The following REN variants were observed in gnomAD, a reference collection of about 807,000 sequenced individuals.
The protein encoded by REN is renin, also known as angiotensin-forming enzyme.
In REN, 42 loss-of-function variants were observed where a neutral mutation model predicts 48.6. That is an observed-to-expected ratio of 0.86 (90% confidence interval 0.68 to 1.12). REN has a LOEUF of 1.12. Ranked by LOEUF, REN falls within the 50% of genes most tolerant of loss-of-function variation. REN has a pLI of 0.00. For missense variants in REN, 443 were observed against 527.3 expected (o/e 0.84, Z 1.57); for synonymous variants, 196 against 204.6 (o/e 0.96, Z 0.36).
intron 1 of REN, among the ~76,000 whole-genome samples, chr1:204,164,565 C>CTTTTTTTTTTTTT (rs748060874): frequency 5.3e-5 from 5 of 93,714 alleles, no homozygotes; most frequent in Non-Finnish European, 5.8e-5. Context: ...CTTCTTCAGT[C>CTTTTTTTTTTTTT]TTTTTTTTTT....
At chr1:204,157,100 G>C (rs1310962460) in intron 6 of REN, among the ~76,000 whole-genome samples, 2 of 152,190 alleles carry the variant, frequency 1.3e-5, no homozygotes, top group African/African-American at 4.8e-5. Context: ...GAGTGGATGT[G>C]AACAAGACAC....
intron 3 of REN, among the ~76,000 whole-genome samples, 193 bp from the exon 4 acceptor site, chr1:204,160,871 C>A (rs772263931): frequency 9.9e-5 from 15 of 152,164 alleles, no homozygotes; most frequent in Middle Eastern, 3.4e-3. Flanking sequence ...GCCCATACAT[C>A]GAGAATTTTG....
Position 204,154,838 on chromosome 1 carries a change from T to C in REN, c.*178A>G. The C allele has an allele frequency of 1.4e-6, 1 of 701,396 alleles. No homozygotes were observed. Among genetic ancestry groups the C allele is most frequent in the South Asian group, 1.7e-5 (1 of 59,064 alleles). 43.4% of individuals were successfully genotyped at this position (701,396 alleles called of 1,614,324 possible). ...ACAGGCTGTGAACATGAAGTCTTTA[T>C]TCTCTTTGTCCTCAAAGCAGGGAAG... On this transcript the variant is annotated 3_prime_UTR_variant, in exon 10 of 10. Transcript: ENST00000272190.
Position 204,156,736 on chromosome 1 carries a change from T to C in REN, c.759A>G (p.Glu253=), listed in dbSNP as rs1197905623. ...TGAGGTTGATATAGTGGAAATTCCCTTCGTAATGCTGGGGGTCGCTGCCTC... is the reference window on the plus strand; with the variant it reads ...TGAGGTTGATATAGTGGAAATTCCCCTCGTAATGCTGGGGGTCGCTGCCTC... The part of the protein sequence containing the change: ...VLGGSDPQHY[E]GNFHYINLIK... The change falls in exon 7 of 10, where the codon GAA becomes GAG. Residue 253 remains glutamate, a synonymous_variant. Coordinates refer to ENST00000272190, the MANE Select transcript of REN (RefSeq NM_000537.4). The surrounding 1 kb of genome is among the most constrained non-coding windows in gnomAD (Gnocchi z 4.2). 1 of 1,614,032 alleles carries C rather than the reference T, an allele frequency of 6.2e-7. No homozygotes were observed. Among genetic ancestry groups the C allele is most frequent in the East Asian group, 2.2e-5 (1 of 44,868 alleles).
intron 5 of REN, 108 bp from the exon 6 acceptor site, chr1:204,157,477 A>G (rs1658170492): frequency 6.6e-6 from 10 of 1,508,814 alleles, no homozygotes; most frequent in African/African-American, 1.4e-5. Flanking sequence ...CCTTCAGGCA[A>G]TGGAGTCACC....
intron 2 of REN, 34 bp downstream of exon 2, chr1:204,161,979 A>G: frequency 6.2e-7 from 1 of 1,612,472 alleles, no homozygotes; most frequent in Non-Finnish European, 8.5e-7. Flanking sequence ...GAAAGGAGAC[A>G]GGGAGGGAGC....
chr1:204,160,478 G>A (rs574290752), intron 4 of REN, 82 bp downstream of exon 4: 83 of 912,966 alleles, frequency 9.1e-5, no homozygotes, highest in Middle Eastern at 4.6e-4. Flanking sequence ...GTACCTCCCC[G>A]CAGGTGTGGG....
chr1:204,164,475 G>A (rs1658303071), intron 1 of REN, among the ~76,000 whole-genome samples: 1 of 151,556 alleles, frequency 6.6e-6, no homozygotes, highest in African/African-American at 2.4e-5. Flanking sequence ...CCTACCTTCA[G>A]GACTGCTGGT....
rs1205070690 is a variant in REN at position 204,159,230 on chromosome 1, A to T, written c.689+169T>A. The T allele has an allele frequency of 4.2e-6, 3 of 706,592 alleles. No homozygotes were observed. In the Admixed American group the frequency reaches 6.1e-5, roughly 14 times the overall value. 43.8% of individuals were successfully genotyped at this position (706,592 alleles called of 1,614,324 possible). The stretch of plus-strand genomic sequence containing the variant: ...AATTGATGCTTAACTGTATTTAATT[A>T]ATTTAAATTTCAATAGTGCCTTCCA... On this transcript the variant is annotated intron_variant, in intron 5 of 9. Transcript: ENST00000272190.
Position 204,159,473 on chromosome 1 carries a change from C to A in REN, c.615G>T (p.Arg205Ser), listed in dbSNP as rs1558244577. 1.2e-6 allele frequency: 2 copies of A among 1,614,162 alleles called. No homozygotes were observed. The highest frequency in any genetic ancestry group is 1.1e-5 in the South Asian group (1 of 91,088). Residue 205 changes from arginine (R) to serine (S), a missense_variant, in exon 5 of 10, where the codon AGG (arginine) becomes AGT (serine). Coordinates refer to ENST00000272190, the MANE Select transcript of REN (RefSeq NM_000537.4). ...TGATGTTGTCGAAGATAGGGGTGACCCTGCCAATGGCCTGTTCAATGAAGC... is the reference window on the plus strand; with the variant it reads ...TGATGTTGTCGAAGATAGGGGTGACACTGCCAATGGCCTGTTCAATGAAGC... Reference protein sequence around the residue: ...GMGFIEQAIGRVTPIFDNIIS... With the variant: ...GMGFIEQAIGSVTPIFDNIIS...
intron 3 of REN, 139 bp from the exon 4 acceptor site, chr1:204,160,817 T>G: frequency 1.3e-6 from 1 of 769,008 alleles, no homozygotes; most frequent in Non-Finnish European, 2.4e-6. Flanking sequence ...TTGGAATATG[T>G]GCTTCATCAA....
rs765404549 is a variant in REN at position 204,156,367 on chromosome 1, G to T, written c.819-48C>A. 4 of 1,608,790 alleles carry T rather than the reference G, an allele frequency of 2.5e-6. No homozygotes were observed. In the African/African-American group the frequency reaches 5.3e-5, roughly 22 times the overall value. On this transcript the variant is annotated intron_variant, in intron 7 of 9. Coordinates refer to ENST00000272190, the MANE Select transcript of REN (RefSeq NM_000537.4). The surrounding 1 kb of genome is among the most constrained non-coding windows in gnomAD (Gnocchi z 4.2). ...AGACAGACAGACAGACAGACAGAAG[G>T]CTGATGGGGCACCTCCAGGCTGCAT...
At position 204,156,899 on chromosome 1, in the gene REN, C is replaced by T; in HGVS notation, c.699-103G>A. Reference sequence around the variant, plus strand: ...CAAGGGTGCAGGGGAGGACAGAGGGCTCTAGAGCAGAGGAATGTGGGACAG... The same window carrying T: ...CAAGGGTGCAGGGGAGGACAGAGGGTTCTAGAGCAGAGGAATGTGGGACAG... On this transcript the variant is annotated intron_variant, in intron 6 of 9. Transcript: ENST00000272190. The surrounding 1 kb of genome is among the most constrained non-coding windows in gnomAD (Gnocchi z 4.2). 3 of 1,445,982 alleles carry T rather than the reference C, an allele frequency of 2.1e-6. No individual in the cohort carries two copies. The highest frequency in any genetic ancestry group is 3.4e-5 in the Admixed American group (2 of 59,662). 89.6% of individuals were successfully genotyped at this position (1,445,982 alleles called of 1,614,324 possible). A position where few individuals can be genotyped will look rare whatever the true frequency, so the allele number is the denominator to read the frequency against.
intron 1 of REN, among the ~76,000 whole-genome samples, chr1:204,163,501 T>C (rs1421803717): frequency 6.6e-6 from 1 of 152,202 alleles, no homozygotes; most frequent in Non-Finnish European, 1.5e-5. Flanking sequence ...GAGGTTGCAT[T>C]TCCCACTGTT....
At chr1:204,165,605 T>C (rs996973796) in intron 1 of REN, among the ~76,000 whole-genome samples, 2 of 152,052 alleles carry the variant, frequency 1.3e-5, no homozygotes, top group African/African-American at 2.4e-5. Flanking sequence ...CGTCTTTTTT[T>C]TTTTTGAGAT....
chr1:204,160,640 A>G lies in REN; in HGVS notation c.412T>C (p.Tyr138His). 6.2e-7 allele frequency: 1 copy of G among 1,614,172 alleles called. No homozygotes were observed. Among genetic ancestry groups the G allele is most frequent in the East Asian group, 2.2e-5 (1 of 44,878 alleles). The change falls in exon 4 of 10, where the codon TAC (tyrosine) becomes CAC (histidine). Residue 138 changes from tyrosine (Y) to histidine (H), a missense_variant. Transcript: ENST00000272190. ...KLFDASDSSS[Y>H]KHNGTELTLR... ...GTGAGTTCTGTTCCATTGTGCTTGT[A>G]GCTGGAGGAATCCGAAGCATCGAAG...
chr1:204,157,258 G>A, intron 6 of REN, 103 bp downstream of exon 6: 1 of 1,478,644 alleles, frequency 6.8e-7, no homozygotes, highest in Non-Finnish European at 9.5e-7. Context: ...GCGGAGGCTG[G>A]GCTTGCTGAT....
At chr1:204,159,318 C>T in intron 5 of REN, 81 bp downstream of exon 5, 1 of 1,285,558 alleles carries the variant, frequency 7.8e-7, no homozygotes, top group Non-Finnish European at 1.1e-6. Context: ...CTTTACAATT[C>T]TGGCCCAGAC....
At chr1:204,158,411 C>CT (rs576572389) in intron 5 of REN, among the ~76,000 whole-genome samples, 6,897 of 97,106 alleles carry the variant, frequency 0.071, 336 homozygotes, top group Non-Finnish European at 0.087. Context: ...ACCCTTGTGA[C>CT]TTTTTTTTTT....
Sources: allele counts gnomAD v4.1 joint callset (sites outside exome capture counted in the v4.1 genomes callset), GRCh38; gene constraint gnomAD v4.1.1; non-coding constraint Gnocchi (gnomAD v3.1); transcripts MANE v1.5; gene names NCBI Gene and HGNC (gene_info 2026-07-23, HGNC 2026-07-21).